Variants in TANC1 observed in about 807,000 individuals in gnomAD.
TANC1 encodes protein TANC1.
A neutral mutation model predicts 149.7 loss-of-function variants in TANC1; 77 were observed. The observed-to-expected ratio is 0.51, with a 90% CI of 0.43 to 0.62. The LOEUF is 0.62. TANC1 is among the 20% of genes least tolerant of loss of function. The pLI is 0.00. For missense variants in TANC1, 1,985 were observed against 2,321.8 expected (o/e 0.85, Z 2.98); for synonymous variants, 854 against 925.0 (o/e 0.92, Z 1.39).
Position 159,172,130 on chromosome 2 carries a change from C to T in TANC1, c.1361C>T (p.Pro454Leu), listed in dbSNP as rs1166485677. Residue 454 changes from proline to leucine, a missense_variant, in exon 11 of 27, where the codon CCC becomes CTC. Transcript: ENST00000263635. ...SPGSSPKTSD[P>L]TQDLHFTPLL... ...GGGTCTTTCTCTGCAGCCTCTGACC[C>T]CACTCAGGATCTTCATTTCACTCCG... The T allele has an allele frequency of 6.2e-7, 1 of 1,614,096 alleles. No homozygotes were observed. The highest frequency in any genetic ancestry group is 1.3e-5 in the African/African-American group (1 of 75,036).
rs776468613 is a variant in TANC1 at position 159,170,788 on chromosome 2, C to T, written c.1334C>T (p.Pro445Leu). 3.2e-5 allele frequency: 51 copies of T among 1,613,734 alleles called. No individual in the cohort carries two copies. The highest frequency in any genetic ancestry group is 3.3e-4 in the Middle Eastern group (2 of 6,084). ...SRMRQIASNS[P>L]GSSPKTSDPT... ...ATGAGGCAGATTGCTTCCAACAGCCCGGGTTCATCACCTAAAAGTACGTGC... is the reference window on the plus strand; with the variant it reads ...ATGAGGCAGATTGCTTCCAACAGCCTGGGTTCATCACCTAAAAGTACGTGC... Residue 445 changes from proline (P) to leucine (L), a missense_variant, in exon 10 of 27, where the codon CCG becomes CTG. Transcript: ENST00000263635.
intron 4 of TANC1, among the ~76,000 whole-genome samples, chr2:159,118,764 C>T (rs1003865959): frequency 6.6e-6 from 1 of 152,182 alleles, no homozygotes; most frequent in Non-Finnish European, 1.5e-5. Flanking sequence ...ATTGAAGCAG[C>T]GCCACCTTGT....
At chr2:159,085,910 A>G (rs541029240) in intron 3 of TANC1, among the ~76,000 whole-genome samples, 1 of 152,356 alleles carries the variant, frequency 6.6e-6, no homozygotes, top group African/African-American at 2.4e-5. Context: ...TACTCAATGT[A>G]AATCCTGTCA....
chr2:159,033,374 C>T (rs73969422), intron 2 of TANC1, among the ~76,000 whole-genome samples: 14,724 of 152,096 alleles, frequency 0.097, 730 homozygotes, highest in Non-Finnish European at 0.11. Flanking sequence ...AAGGAAGAAT[C>T]GTAAATGTAT....
At chr2:159,199,171 A>G in intron 19 of TANC1, 118 bp downstream of exon 19, 2 of 695,352 alleles carry the variant, frequency 2.9e-6, no homozygotes, top group Non-Finnish European at 4.8e-6. Context: ...TTTTATCACA[A>G]GCATTTGAAG....
At chr2:159,115,173 TG>T (rs2048114317) in intron 4 of TANC1, among the ~76,000 whole-genome samples, 1 of 54,466 alleles carries the variant, frequency 1.8e-5, no homozygotes, top group Non-Finnish European at 3.3e-5. Flanking sequence ...CTGGTAAGGG[TG>T]TGTGTGTGTG....
intron 4 of TANC1, among the ~76,000 whole-genome samples, chr2:159,120,838 C>T (rs569041985): frequency 3.9e-5 from 6 of 152,210 alleles, no homozygotes; most frequent in Non-Finnish European, 7.4e-5. Flanking sequence ...TGAACTTAAG[C>T]GATCCTCCTG....
chr2:159,152,174 A>T (rs979938829), intron 7 of TANC1, among the ~76,000 whole-genome samples: 1 of 152,100 alleles, frequency 6.6e-6, no homozygotes, highest in Non-Finnish European at 1.5e-5. Context: ...CCCCATTCTC[A>T]TCTTACCCTG....
At chr2:159,205,918 C>T (rs1295342639) in intron 19 of TANC1, among the ~76,000 whole-genome samples, 4 of 152,286 alleles carry the variant, frequency 2.6e-5, no homozygotes, top group South Asian at 2.1e-4. Flanking sequence ...GAGAAAACTG[C>T]GACTTGCTGT....
At chr2:159,105,752 C>T (rs555835939) in intron 4 of TANC1, among the ~76,000 whole-genome samples, 1 of 152,270 alleles carries the variant, frequency 6.6e-6, no homozygotes, top group Middle Eastern at 3.4e-3. Context: ...GATTTAAAGG[C>T]ATCTCTGATA....
chr2:159,046,282 G>A (rs1358938810), intron 2 of TANC1, among the ~76,000 whole-genome samples: 1 of 152,174 alleles, frequency 6.6e-6, no homozygotes, highest in Non-Finnish European at 1.5e-5. Context: ...AGAAAACCTT[G>A]CAACACATTG....
chr2:159,205,975 C>T (rs2058578779), intron 19 of TANC1, among the ~76,000 whole-genome samples: 3 of 152,222 alleles, frequency 2.0e-5, no homozygotes, highest in Admixed American at 2.0e-4. Context: ...AGCATCTCAC[C>T]AGTACTGGTT....
In TANC1 at chr2:159,065,970, A is replaced by G. The variant is rs746045832; in HGVS notation, c.60A>G (p.Ala20=). 1.2e-5 allele frequency: 19 copies of G among 1,612,432 alleles called. No individual in the cohort carries two copies. Among genetic ancestry groups the G allele is most frequent in the African/African-American group, 9.3e-5 (7 of 74,902 alleles). The change falls in exon 3 of 27, where the codon GCA becomes GCG. Residue 20 remains alanine (A), a splice_region_variant and synonymous_variant. Transcript: ENST00000263635. Reference sequence around the variant, plus strand: ...GAGGAAAGGGAGGCAAGAAGGAAGCAGGTATGTGTGCAAGAATGAGAAGCT... The same window carrying G: ...GAGGAAAGGGAGGCAAGAAGGAAGCGGGTATGTGTGCAAGAATGAGAAGCT... ...REGGKGGKKE[A]GSDFGPETSP... is the part of the protein sequence containing the mutation.
chr2:159,129,685 C>T (rs1355615516), intron 4 of TANC1, among the ~76,000 whole-genome samples: 1 of 152,066 alleles, frequency 6.6e-6, no homozygotes, highest in East Asian at 1.9e-4. Context: ...CTTTGAGATC[C>T]ACCTTCTCCT....
intron 2 of TANC1, among the ~76,000 whole-genome samples, chr2:159,021,596 GT>G (rs1402771817): frequency 6.6e-6 from 1 of 151,788 alleles, no homozygotes; most frequent in Non-Finnish European, 1.5e-5. Flanking sequence ...CCTGGGCAAT[GT>G]AACGAGACCC....
At chr2:158,985,491 T>C (rs60191669) in intron 1 of TANC1, among the ~76,000 whole-genome samples, 39 of 152,342 alleles carry the variant, frequency 2.6e-4, no homozygotes, top group African/African-American at 8.9e-4. Flanking sequence ...CAGCGGGTTT[T>C]GTAAGGCAGC....
At chr2:159,021,758 G>A (rs1052490329) in intron 2 of TANC1, among the ~76,000 whole-genome samples, 21 of 152,134 alleles carry the variant, frequency 1.4e-4, no homozygotes, top group African/African-American at 4.8e-4. Flanking sequence ...CTGAACTTTG[G>A]TTAAATTTTT....
intron 8 of TANC1, among the ~76,000 whole-genome samples, chr2:159,164,436 G>A (rs957110283): frequency 1.3e-5 from 2 of 152,126 alleles, no homozygotes; most frequent in Admixed American, 6.5e-5. Context: ...TGAGGATTTC[G>A]GTATCCTCAG....
At chr2:159,115,986 C>T (rs890404498) in intron 4 of TANC1, among the ~76,000 whole-genome samples, 1 of 152,088 alleles carries the variant, frequency 6.6e-6, no homozygotes, top group Non-Finnish European at 1.5e-5. Flanking sequence ...ACTTTGAGTG[C>T]TCCACGAAGC....
Sources: gnomAD v4.1 joint callset for allele counts (sites outside exome capture counted in the v4.1 genomes callset) on GRCh38, gnomAD v4.1.1 for gene constraint, MANE v1.5 for transcripts, NCBI Gene and HGNC (gene_info 2026-07-23, HGNC 2026-07-21) for gene names.